MLIP: variants seen among roughly 807,000 people sequenced by gnomAD.
MLIP encodes the protein muscular LMNA interacting protein.
A neutral mutation model predicts 84.8 loss-of-function variants in MLIP; 79 were observed. That is an observed-to-expected ratio of 0.93 (90% CI 0.78 to 1.12). The LOEUF is 1.12. Among genes scored for constraint, MLIP ranks in the 50% most tolerant of loss-of-function variants. The pLI, the probability that MLIP is intolerant of heterozygous loss-of-function variation, is 0.00. For missense variants in MLIP, 1,257 were observed against 1,160.6 expected (o/e 1.08, Z -1.21); for synonymous variants, 504 against 463.0 (o/e 1.09, Z -1.14).
chr6:54,136,717 A>C lies in MLIP; in HGVS notation c.648A>C (p.Leu216Phe). ...GMAPQQKHGQ[L>F]TSSPTTSEQL... is the part of the protein sequence containing the mutation. Reference sequence around the variant, plus strand: ...CTGTCTATTTCTCTTTCCTCTAGTTAACTTCTTCTCCCACTACCTCTGAGC... The same window carrying C: ...CTGTCTATTTCTCTTTCCTCTAGTTCACTTCTTCTCCCACTACCTCTGAGC... The change falls in exon 4 of 14, where the codon TTA becomes TTC. Residue 216 changes from leucine to phenylalanine, a missense_variant and splice_region_variant. Transcript: ENST00000502396. 1 of 1,473,008 alleles carries C rather than the reference A, an allele frequency of 6.8e-7. No homozygotes were observed. The highest frequency in any genetic ancestry group is 9.0e-7 in the Non-Finnish European group (1 of 1,111,166). The allele number at this position is 1,473,008 out of a possible 1,614,324, so 91.2% of individuals were successfully genotyped here. A position where few individuals can be genotyped will look rare whatever the true frequency, so the allele number is the denominator to read the frequency against.
intron 1 of MLIP, among the ~76,000 whole-genome samples, chr6:54,041,719 T>G (rs991199): frequency 0.087 from 13,309 of 152,158 alleles, 809 homozygotes; most frequent in East Asian, 0.33. Flanking sequence ...CATTTGTATA[T>G]CATTGCTTAA....
chr6:54,094,998 G>A (rs1291102648), intron 1 of MLIP, among the ~76,000 whole-genome samples: 1 of 152,146 alleles, frequency 6.6e-6, no homozygotes, highest in East Asian at 1.9e-4. Flanking sequence ...ATTTACAAAT[G>A]AATTACATTT....
chr6:54,218,313 T>A (rs1324435884), intron 11 of MLIP, among the ~76,000 whole-genome samples: 2 of 152,190 alleles, frequency 1.3e-5, no homozygotes, highest in Non-Finnish European at 2.9e-5. Flanking sequence ...CAATGGTAAG[T>A]ATTTGTGTAT....
chr6:54,142,659 G>T (rs567951565), intron 4 of MLIP, among the ~76,000 whole-genome samples: 1 of 152,250 alleles, frequency 6.6e-6, no homozygotes, highest in South Asian at 2.1e-4. Flanking sequence ...AAGACAGGAA[G>T]TCTTTGGAGG....
At chr6:54,233,495 A>G (rs1781151437) in intron 12 of MLIP, among the ~76,000 whole-genome samples, 1 of 152,194 alleles carries the variant, frequency 6.6e-6, no homozygotes, top group South Asian at 2.1e-4. Context: ...ATGTCCCTGC[A>G]GAAGACATGA....
chr6:54,137,925 GC>G lies in MLIP; in HGVS notation c.1858del (p.Leu620Ter). ...KCFHPSPALS[S>X]LINRSKRASS... is the part of the protein sequence containing the mutation. ...TTCCATCCTTCCCCAGCTCTTTCAA[GC>G]CTGATAAACAGATCTAAAAGAGCAT... On this transcript the variant is annotated frameshift_variant, in exon 4 of 14. Coordinates refer to ENST00000502396, the MANE Select transcript of MLIP (RefSeq NM_001281747.2). LOFTEE classifies it high-confidence loss of function. 1 of 1,536,038 alleles carries G rather than the reference GC, an allele frequency of 6.5e-7. No individual in the cohort carries two copies. Among genetic ancestry groups the G allele is most frequent in the Non-Finnish European group, 8.7e-7 (1 of 1,146,886 alleles).
intron 12 of MLIP, among the ~76,000 whole-genome samples, chr6:54,255,250 C>T (rs1782932426): frequency 6.6e-6 from 1 of 152,186 alleles, no homozygotes; most frequent in Non-Finnish European, 1.5e-5. Context: ...GTCTAGATTC[C>T]AGCATGGATG....
chr6:54,026,073 A>G (rs139404882), intron 1 of MLIP, among the ~76,000 whole-genome samples: 1 of 152,336 alleles, frequency 6.6e-6, no homozygotes, highest in East Asian at 1.9e-4. Flanking sequence ...CTGGAAGGCA[A>G]CTGGAGGGAA....
intron 1 of MLIP, among the ~76,000 whole-genome samples, chr6:54,115,603 A>G (rs998396936): frequency 6.6e-5 from 10 of 152,190 alleles, no homozygotes; most frequent in Non-Finnish European, 1.5e-4. Flanking sequence ...GAGATATAAT[A>G]CTGGGTATTA....
intron 1 of MLIP, among the ~76,000 whole-genome samples, chr6:54,024,429 C>T (rs1763682352): frequency 6.6e-6 from 1 of 152,236 alleles, no homozygotes; most frequent in Non-Finnish European, 1.5e-5. Context: ...TTCCTCATAT[C>T]ATTATCTGAT....
chr6:54,166,981 T>C (rs1294376707), intron 8 of MLIP, among the ~76,000 whole-genome samples: 1 of 151,922 alleles, frequency 6.6e-6, no homozygotes, highest in South Asian at 2.1e-4. Flanking sequence ...GTTTTATTCT[T>C]CTCTTTCTCT....
intron 1 of MLIP, among the ~76,000 whole-genome samples, chr6:54,098,151 T>TC (rs59359046): frequency 0.056 from 1,996 of 35,356 alleles, 45 homozygotes; most frequent in African/African-American, 0.087. Context: ...TTTCTTTCTT[T>TC]TTTTTTTTTT....
At chr6:54,264,298 T>A (rs1295894288) in intron 13 of MLIP, among the ~76,000 whole-genome samples, 2 of 152,120 alleles carry the variant, frequency 1.3e-5, no homozygotes. Context: ...TATGCTCATA[T>A]ATCTTCTATT....
chr6:54,244,804 T>C (rs1457139433), intron 12 of MLIP, among the ~76,000 whole-genome samples: 1 of 152,162 alleles, frequency 6.6e-6, no homozygotes, highest in Non-Finnish European at 1.5e-5. Context: ...TTAATCTTAG[T>C]AGCAAGAACA....
intron 1 of MLIP, among the ~76,000 whole-genome samples, chr6:54,080,603 T>A (rs1767077401): frequency 6.6e-6 from 1 of 151,468 alleles, no homozygotes; most frequent in African/African-American, 2.4e-5. Context: ...TATACCCATG[T>A]GATAAAAAGA....
At chr6:54,206,272 CCT>C (rs1346987325) in intron 11 of MLIP, among the ~76,000 whole-genome samples, 1 of 151,870 alleles carries the variant, frequency 6.6e-6, no homozygotes, top group Non-Finnish European at 1.5e-5. Context: ...ATGTAAAAAT[CCT>C]CTCTTTATAA....
At chr6:54,216,821 T>G (rs964488308) in intron 11 of MLIP, 1 of 985,250 alleles carries the variant, frequency 1.0e-6, no homozygotes, top group Non-Finnish European at 1.2e-6. Flanking sequence ...GGCTTTATCT[T>G]AGTGAAATGT....
chr6:54,116,073 G>T (rs994341032), intron 1 of MLIP, among the ~76,000 whole-genome samples: 3 of 152,156 alleles, frequency 2.0e-5, no homozygotes, highest in African/African-American at 7.2e-5. Flanking sequence ...ATACAGGAAT[G>T]GAGGGATGAT....
chr6:54,023,804 A>T (rs1356435681), intron 1 of MLIP, among the ~76,000 whole-genome samples: 1 of 152,150 alleles, frequency 6.6e-6, no homozygotes, highest in Non-Finnish European at 1.5e-5. Flanking sequence ...TCCTGACCTC[A>T]GGTGATCCAC....
Sources: allele counts gnomAD v4.1 joint callset (sites outside exome capture counted in the v4.1 genomes callset), GRCh38; gene constraint gnomAD v4.1.1; transcripts MANE v1.5; gene names NCBI Gene and HGNC (gene_info 2026-07-23, HGNC 2026-07-21).